The following CPB1 variants were observed in gnomAD, a reference collection of about 807,000 sequenced individuals.
The protein encoded by CPB1 is carboxypeptidase B1, also known as carboxypeptidase B.
CPB1 carries 53 observed loss-of-function variants against 51.4 expected under a neutral mutation model. That is an observed-to-expected ratio of 1.03 (90% CI 0.83 to 1.30). The LOEUF is 1.30. Ranked by LOEUF, CPB1 falls within the 50% of genes most tolerant of loss-of-function variation. CPB1 has a pLI of 0.00. For missense variants in CPB1, 494 were observed against 516.2 expected (o/e 0.96, Z 0.42); for synonymous variants, 189 against 186.9 (o/e 1.01, Z -0.09).
Position 148,840,936 on chromosome 3 carries a change from C to T in CPB1, c.435C>T (p.Ile145=), listed in dbSNP as rs148885382. ...CAGCCCTCATCTCTCGCAGTGTTAT[C>T]GGAACCACATTTGAGGGACGCGCTA... The part of the protein sequence containing the change: ...ENPALISRSV[I]GTTFEGRAIY... Residue 145 remains isoleucine, a synonymous_variant, in exon 5 of 11, where the codon ATC becomes ATT. Coordinates refer to ENST00000282957, the MANE Select transcript of CPB1 (RefSeq NM_001871.3). 60 of 1,613,966 alleles carry T rather than the reference C, an allele frequency of 3.7e-5. No individual in the cohort carries two copies. In the African/African-American group the frequency reaches 6.0e-4, roughly 16 times the overall value.
chr3:148,840,697 G>C lies in CPB1; in HGVS notation c.284G>C (p.Ser95Thr), dbSNP rs1713049800. 6.2e-7 allele frequency: 1 copy of C among 1,614,126 alleles called. No individual in the cohort carries two copies. The highest frequency in any genetic ancestry group is 1.7e-5 in the Admixed American group (1 of 60,020). ...TTGGTTCGTTGCAGGGTACTGATAA[G>C]CAACCTGAGAAATGTGGTGGAGGCT... ...QNELQYKVLI[S>T]NLRNVVEAQF... Residue 95 changes from serine to threonine, a missense_variant, in exon 4 of 11, where the codon AGC becomes ACC. Transcript: ENST00000282957.
chr3:148,846,842 T>TATATATA, intron 9 of CPB1, among the ~76,000 whole-genome samples: 1 of 124,392 alleles, frequency 8.0e-6, no homozygotes, highest in African/African-American at 3.0e-5. Context: ...TATATATATA[T>TATATATA]GTTAGCACCG....
rs369312144 is a variant in CPB1, at chr3:148,834,110, A to C, written c.148-388A>C. Reference sequence around the variant, plus strand: ...AAAACAGCTTCATATTTCTCCATTAAATTTTGTAATTCTAGTTAATTCATC... The same window carrying C: ...AAAACAGCTTCATATTTCTCCATTACATTTTGTAATTCTAGTTAATTCATC... On this transcript the variant is annotated intron_variant, in intron 2 of 10. Transcript: ENST00000282957. Among the ~76,000 whole-genome samples, 49 of 152,300 alleles carry C rather than the reference A, an allele frequency of 3.2e-4. No individual in the cohort carries two copies. The East Asian group carries it at 4.8e-3, about 15-fold the overall frequency.
chr3:148,856,591 T>C (rs1160957058), intron 9 of CPB1: 1 of 152,226 alleles, frequency 6.6e-6, no homozygotes, highest in East Asian at 1.9e-4. Flanking sequence ...ATAATTTGTT[T>C]TTCAAATCTG....
intron 5 of CPB1, among the ~76,000 whole-genome samples, chr3:148,841,404 G>A (rs1472604290): frequency 6.6e-6 from 1 of 152,056 alleles, no homozygotes; most frequent in African/African-American, 2.4e-5. Flanking sequence ...TCTAATGAAG[G>A]AAATAAAAAG....
At chr3:148,838,229 C>G (rs1576568590) in intron 3 of CPB1, 1 of 152,296 alleles carries the variant, frequency 6.6e-6, no homozygotes, top group African/African-American at 2.4e-5. Context: ...GCCTGGGCGA[C>G]AGAGCGAGAC....
chr3:148,845,583 C>G lies in CPB1; in HGVS notation c.938C>G (p.Pro313Arg), dbSNP rs759321381. The G allele has an allele frequency of 1.6e-5, 26 of 1,613,776 alleles. No homozygotes were observed. In the East Asian group the frequency reaches 5.3e-4, roughly 33 times the overall value. ...IHSYSQMMIYPYSYAYKLGEN... is the reference protein window; with the variant it reads ...IHSYSQMMIYRYSYAYKLGEN... Reference sequence around the variant, plus strand: ...TCGTACTCCCAAATGATGATCTACCCTTACTCATATGCTTACAAACTCGGT... The same window carrying G: ...TCGTACTCCCAAATGATGATCTACCGTTACTCATATGCTTACAAACTCGGT... The change falls in exon 9 of 11, where the codon CCT becomes CGT. Residue 313 changes from proline to arginine, a missense_variant. Pro to Arg is a moderately radical substitution (Grantham distance 103). Transcript: ENST00000282957.
intron 9 of CPB1, among the ~76,000 whole-genome samples, chr3:148,847,633 TC>T (rs1234041609): frequency 6.6e-6 from 1 of 152,056 alleles, no homozygotes. Context: ...CTATTCAAAA[TC>T]CTGTCCTCCA....
intron 2 of CPB1, among the ~76,000 whole-genome samples, chr3:148,831,511 T>C (rs1299699784): frequency 6.6e-6 from 1 of 152,216 alleles, no homozygotes; most frequent in Non-Finnish European, 1.5e-5. Flanking sequence ...CCAATATTTA[T>C]TTTTTTATTG....
chr3:148,833,113 T>G (rs535110183), intron 2 of CPB1, among the ~76,000 whole-genome samples: 2 of 152,292 alleles, frequency 1.3e-5, no homozygotes, highest in East Asian at 3.9e-4. Context: ...GCCCCTTGCT[T>G]TCTCTGTCCT....
chr3:148,839,904 C>A (rs1252672582), intron 3 of CPB1, among the ~76,000 whole-genome samples: 1 of 152,022 alleles, frequency 6.6e-6, no homozygotes, highest in African/African-American at 2.4e-5. Context: ...ATACTTTTCA[C>A]TCAAAGTAGA....
In CPB1 at chr3:148,857,447, T is replaced by C; in HGVS notation, c.982-10T>C. ...ATTTATTTCCTTACTTATTCCTGTT[T>C]CTTTTGCAGAATGCCCTGGCTAAAG... is the stretch of plus-strand genomic sequence containing the variant. On this transcript the variant is annotated splice_polypyrimidine_tract_variant and intron_variant, in intron 9 of 10. Transcript: ENST00000282957. 1 of 1,611,072 alleles carries C rather than the reference T, an allele frequency of 6.2e-7. No individual in the cohort carries two copies. Among genetic ancestry groups the C allele is most frequent in the Non-Finnish European group, 8.5e-7 (1 of 1,177,344 alleles).
intron 10 of CPB1, 61 bp downstream of exon 10, chr3:148,857,602 C>T: frequency 9.4e-6 from 12 of 1,275,932 alleles, no homozygotes; most frequent in Non-Finnish European, 1.2e-5. Flanking sequence ...ACGAAAGGTT[C>T]CTGGGGCCTT....
chr3:148,857,062 G>GTTTTTTTTT (rs35574359), intron 9 of CPB1: 21 of 48,156 alleles, frequency 4.4e-4, no homozygotes, highest in African/African-American at 1.5e-3. Context: ...ATTGCCAAGT[G>GTTTTTTTTT]TTTTTTTTTT....
intron 3 of CPB1, 142 bp downstream of exon 3, chr3:148,834,764 C>T (rs991926226): frequency 8.8e-6 from 6 of 680,510 alleles, no homozygotes; most frequent in Non-Finnish European, 1.2e-5. Context: ...GCAGAGCTGG[C>T]CCTGGATTCC....
At chr3:148,840,624 G>A in intron 3 of CPB1, 62 bp from the exon 4 acceptor site, 1 of 1,408,344 alleles carries the variant, frequency 7.1e-7, no homozygotes. Flanking sequence ...GGGGTTTTAT[G>A]TGTGTTCACT....
intron 3 of CPB1, among the ~76,000 whole-genome samples, chr3:148,839,928 TCACACA>T (rs917097406): frequency 3.3e-5 from 5 of 151,112 alleles, no homozygotes; most frequent in Non-Finnish European, 7.4e-5. Flanking sequence ...GGAAGTGAAG[TCACACA>T]CACATACACA....
intron 2 of CPB1, among the ~76,000 whole-genome samples, chr3:148,833,743 A>T (rs1243588128): frequency 7.6e-6 from 1 of 131,084 alleles, no homozygotes; most frequent in Non-Finnish European, 1.6e-5. Flanking sequence ...CACAGATTAA[A>T]AAAAAAAAAA....
intron 3 of CPB1, among the ~76,000 whole-genome samples, chr3:148,839,064 CA>C (rs1431092237): frequency 2.0e-5 from 3 of 152,180 alleles, no homozygotes; most frequent in African/African-American, 7.2e-5. Flanking sequence ...GGTTCCTAAT[CA>C]GCTGATGTTA....
Sources: gnomAD v4.1 joint callset for allele counts (sites outside exome capture counted in the v4.1 genomes callset) on GRCh38, gnomAD v4.1.1 for gene constraint, MANE v1.5 for transcripts, NCBI Gene and HGNC (gene_info 2026-07-23, HGNC 2026-07-21) for gene names.